Variants in NCOR1 observed in about 807,000 individuals in gnomAD.
NCOR1 encodes the protein nuclear receptor corepressor 1, also known as protein phosphatase 1, regulatory subunit 109.
NCOR1 carries 63 observed loss-of-function variants against 288.1 expected under a neutral mutation model. The ratio of observed to expected loss-of-function variants is 0.22; its 90% CI spans 0.18 to 0.27. NCOR1 has a LOEUF of 0.27. Ranked by LOEUF, NCOR1 falls within the 10% of genes least tolerant of loss-of-function variation. The pLI is 1.00. For missense variants in NCOR1, 2,397 were observed against 3,019.2 expected, an observed-to-expected ratio of 0.79 and a Z score of 4.83; for synonymous variants, 1,007 against 1,065.9, an observed-to-expected ratio of 0.94 and a Z score of 1.08.
At chr17:16,115,996 A>G (rs1031732337) in intron 18 of NCOR1, among the ~76,000 whole-genome samples, 12 of 152,262 alleles carry the variant, frequency 7.9e-5, no homozygotes. Flanking sequence ...AAGGGCTTAC[A>G]GTTCCACATG....
chr17:16,086,472 A>G, intron 22 of NCOR1, 30 bp from the exon 23 acceptor site: 1 of 1,589,524 alleles, frequency 6.3e-7, no homozygotes, highest in South Asian at 1.1e-5. Flanking sequence ...ATGATTTTAA[A>G]CTAGTCCATT....
At chr17:16,204,164 G>A (rs1255924507) in intron 1 of NCOR1, among the ~76,000 whole-genome samples, 1 of 151,970 alleles carries the variant, frequency 6.6e-6, no homozygotes, top group Non-Finnish European at 1.5e-5. Context: ...AAAATAACAA[G>A]ACCAATCAGA....
intron 3 of NCOR1, among the ~76,000 whole-genome samples, chr17:16,183,289 AG>A: frequency 6.6e-6 from 1 of 151,566 alleles, no homozygotes; most frequent in Non-Finnish European, 1.5e-5. Context: ...CCAGTCAGAA[AG>A]GAAAAAGTAA....
At chr17:16,182,557 C>A (rs2085706785) in intron 3 of NCOR1, among the ~76,000 whole-genome samples, 1 of 152,174 alleles carries the variant, frequency 6.6e-6, no homozygotes, top group African/African-American at 2.4e-5. Flanking sequence ...CGGGTTCATG[C>A]CATTCTCCTG....
intron 43 of NCOR1, 45 bp downstream of exon 43, chr17:16,040,396 G>A: frequency 1.3e-6 from 2 of 1,554,704 alleles, no homozygotes; most frequent in Non-Finnish European, 8.9e-7. Context: ...ACTGACTACT[G>A]CTGTGCCAAT....
At chr17:16,173,159 A>G (rs2083436512) in intron 3 of NCOR1, among the ~76,000 whole-genome samples, 1 of 152,006 alleles carries the variant, frequency 6.6e-6, no homozygotes. Flanking sequence ...TGAGCTAAGC[A>G]ATCCACCTGC....
At chr17:16,134,994 C>T (rs1036185216) in intron 14 of NCOR1, among the ~76,000 whole-genome samples, 2 of 151,730 alleles carry the variant, frequency 1.3e-5, no homozygotes, top group Admixed American at 6.6e-5. Context: ...CCCGTCTCTA[C>T]TAAATATACA....
chr17:16,146,591 T>C, intron 9 of NCOR1, 43 bp from the exon 10 acceptor site: 1 of 1,483,378 alleles, frequency 6.7e-7, no homozygotes. Context: ...TAAACTAAAC[T>C]CTGATTCTGA....
chr17:16,133,303 C>A (rs1218887907), intron 14 of NCOR1, among the ~76,000 whole-genome samples: 1 of 152,182 alleles, frequency 6.6e-6, no homozygotes, highest in Non-Finnish European at 1.5e-5. Context: ...ATAAAAATTA[C>A]TTCCTACAAA....
At chr17:16,034,735 T>C in intron 45 of NCOR1, 30 bp downstream of exon 45, 1 of 1,567,046 alleles carries the variant, frequency 6.4e-7, no homozygotes, top group Non-Finnish European at 8.7e-7. Context: ...TTGCTCTGTC[T>C]CATTTTCTAA....
intron 15 of NCOR1, among the ~76,000 whole-genome samples, chr17:16,121,565 G>A (rs1598924458): frequency 6.6e-6 from 1 of 152,120 alleles, no homozygotes; most frequent in Non-Finnish European, 1.5e-5. Context: ...ACAAATGACA[G>A]CAGAAAAGCC....
intron 5 of NCOR1, among the ~76,000 whole-genome samples, chr17:16,159,413 CAAA>C (rs35243097): frequency 1.8e-4 from 12 of 66,316 alleles, no homozygotes; most frequent in African/African-American, 5.4e-4. Flanking sequence ...AACTCTATCT[CAAA>C]AAAAAAAAAA....
chr17:16,171,958 G>C lies in NCOR1; in HGVS notation c.280C>G (p.Pro94Ala). The C allele has an allele frequency of 6.2e-7, 1 of 1,602,404 alleles. No individual in the cohort carries two copies. The highest frequency in any genetic ancestry group is 8.5e-7 in the Non-Finnish European group (1 of 1,175,358). ...ERRTSYEPFH[P>A]GPSPVDHDSL... is the part of the protein sequence containing the mutation. Reference sequence around the variant, plus strand: ...TCATGATCCACTGGGGATGGGCCTGGATGAAACGGTTCATAACTAGTTCTC... The same window carrying C: ...TCATGATCCACTGGGGATGGGCCTGCATGAAACGGTTCATAACTAGTTCTC... Residue 94 changes from proline (P) to alanine (A), a missense_variant, in exon 4 of 46, where the codon CCA (proline) becomes GCA (alanine). Physicochemically the swap from Pro to Ala is conservative, Grantham distance 27 (BLOSUM62 -1). Coordinates refer to ENST00000268712, the MANE Select transcript of NCOR1 (RefSeq NM_006311.4).
At chr17:16,104,744 C>T (rs368200248) in intron 19 of NCOR1, among the ~76,000 whole-genome samples, 8 of 152,082 alleles carry the variant, frequency 5.3e-5, no homozygotes, top group African/African-American at 1.4e-4. Context: ...TACACTTCAG[C>T]GCTGGGTTAA....
At chr17:16,159,413 C>CA (rs35243097) in intron 5 of NCOR1, among the ~76,000 whole-genome samples, 2,436 of 66,172 alleles carry the variant, frequency 0.037, 128 homozygotes, top group African/African-American at 0.11. Context: ...AACTCTATCT[C>CA]AAAAAAAAAA....
chr17:16,159,609 T>C (rs2080416665), intron 5 of NCOR1, among the ~76,000 whole-genome samples: 2 of 152,038 alleles, frequency 1.3e-5, no homozygotes, highest in South Asian at 4.2e-4. Flanking sequence ...AGAAAGGAGA[T>C]CAAGGGTTAA....
chr17:16,095,900 GA>G (rs1288529581), intron 21 of NCOR1, among the ~76,000 whole-genome samples: 2 of 152,138 alleles, frequency 1.3e-5, no homozygotes, highest in Non-Finnish European at 2.9e-5. Context: ...GCAAGGTGGG[GA>G]AAAGATTGAG....
intron 22 of NCOR1, among the ~76,000 whole-genome samples, chr17:16,090,927 A>G (rs1598431281): frequency 6.6e-6 from 1 of 152,348 alleles, no homozygotes; most frequent in East Asian, 1.9e-4. Context: ...CTTCTGAATC[A>G]TTCAGACTAT....
intron 15 of NCOR1, among the ~76,000 whole-genome samples, chr17:16,124,789 G>A (rs980998374): frequency 1.3e-5 from 2 of 152,132 alleles, no homozygotes; most frequent in Admixed American, 1.3e-4. Context: ...AGTCAATAAA[G>A]CTGGAATCTA....
Sources: allele counts gnomAD v4.1 joint callset (sites outside exome capture counted in the v4.1 genomes callset), GRCh38; gene constraint gnomAD v4.1.1; transcripts MANE v1.5; gene names NCBI Gene and HGNC (gene_info 2026-07-23, HGNC 2026-07-21).